Variants in WDR44 observed in about 807,000 individuals in gnomAD.
WDR44 encodes the protein WD repeat-containing protein 44.
In WDR44, 9 loss-of-function variants were observed where a neutral mutation model predicts 65.7. The ratio of observed to expected loss-of-function variants is 0.14; its 90% CI spans 0.08 to 0.24. The LOEUF is 0.24. WDR44 is among the 10% of genes least tolerant of loss of function. The pLI, the probability that WDR44 is intolerant of heterozygous loss-of-function variation, is 1.00. For missense variants in WDR44, 425 were observed against 670.9 expected (o/e 0.63, Z 4.05); for synonymous variants, 220 against 235.2 (o/e 0.94, Z 0.59).
intron 1 of WDR44, among the ~76,000 whole-genome samples, chrX:118,362,279 A>G (rs2056518547): frequency 8.9e-6 from 1 of 112,311 alleles, no homozygotes; most frequent in African/African-American, 3.2e-5. Flanking sequence ...TTGTATATGT[A>G]ATAACTGAAT....
chrX:118,416,693 T>C (rs952765671), intron 12 of WDR44, among the ~76,000 whole-genome samples: 3 of 112,072 alleles, frequency 2.7e-5, no homozygotes, highest in Non-Finnish European at 3.8e-5. Flanking sequence ...TATATATATC[T>C]GTTAAGTCCA....
intron 1 of WDR44, among the ~76,000 whole-genome samples, chrX:118,353,344 A>T (rs1177890655): frequency 1.8e-5 from 2 of 111,648 alleles, no homozygotes; most frequent in African/African-American, 6.5e-5. Context: ...CAGTCAGTAT[A>T]CAAATTTATC....
At chrX:118,398,493 T>G (rs1313843694) in intron 8 of WDR44, 23 bp downstream of exon 8, 2 of 1,125,709 alleles carry the variant, frequency 1.8e-6, no homozygotes, top group Non-Finnish European at 2.4e-6. Flanking sequence ...ACATCCCTTT[T>G]CTTCATTTCA....
intron 1 of WDR44, among the ~76,000 whole-genome samples, chrX:118,373,605 T>C (rs1403604334): frequency 1.8e-5 from 2 of 111,729 alleles, no homozygotes; most frequent in East Asian, 5.6e-4. Flanking sequence ...TGCCTTTACT[T>C]TGGTGCTCAT....
chrX:118,428,661 A>G (rs1156484148), intron 12 of WDR44, among the ~76,000 whole-genome samples: 1 of 111,947 alleles, frequency 8.9e-6, no homozygotes. Context: ...TCAAAGACCT[A>G]GAACCAGAAA....
intron 19 of WDR44, among the ~76,000 whole-genome samples, chrX:118,447,527 C>T (rs2057355818): frequency 9.0e-6 from 1 of 111,013 alleles, no homozygotes; most frequent in Non-Finnish European, 1.9e-5. Flanking sequence ...ATTCAAGCCT[C>T]AATTTTCCTT....
intron 1 of WDR44, among the ~76,000 whole-genome samples, chrX:118,355,985 C>T (rs1285215723): frequency 8.9e-6 from 1 of 111,816 alleles, no homozygotes; most frequent in Non-Finnish European, 1.9e-5. Flanking sequence ...ATCCTGCATT[C>T]CTATCAGTTC....
intron 14 of WDR44, among the ~76,000 whole-genome samples, chrX:118,440,251 C>T (rs766409891): frequency 3.6e-5 from 4 of 110,403 alleles, no homozygotes; most frequent in Non-Finnish European, 7.6e-5. Flanking sequence ...CTTTGTTACA[C>T]GGGGGAGAGT....
At chrX:118,354,419 TAA>T (rs59731854) in intron 1 of WDR44, among the ~76,000 whole-genome samples, 33 of 96,325 alleles carry the variant, frequency 3.4e-4, no homozygotes, top group African/African-American at 1.1e-3. Context: ...CTCTGTCTCT[TAA>T]AAAAAAAAAA....
chrX:118,439,165 C>A (rs2057281733), intron 14 of WDR44, among the ~76,000 whole-genome samples: 1 of 110,067 alleles, frequency 9.1e-6, no homozygotes, highest in African/African-American at 3.3e-5. Flanking sequence ...ATCGTACTGA[C>A]CTGGAGTGTT....
chrX:118,351,291 G>C (rs768136554), intron 1 of WDR44, among the ~76,000 whole-genome samples: 5 of 112,037 alleles, frequency 4.5e-5, no homozygotes, highest in Non-Finnish European at 7.5e-5. Flanking sequence ...TAAGTCATGG[G>C]AACTGAGACC....
chrX:118,387,465 A>G lies in WDR44; in HGVS notation c.186+51A>G, dbSNP rs762279728. On this transcript the variant is annotated intron_variant, in intron 3 of 19. Coordinates refer to ENST00000254029, the MANE Select transcript of WDR44 (RefSeq NM_019045.5). ...AGTTTATAGCAGACATCATATTTAT[A>G]TGGTATATTTCAAACAGCTTTTATA... 6.4e-6 allele frequency: 6 copies of G among 943,559 alleles called. No individual in the cohort carries two copies. The East Asian group carries it at 1.6e-4, about 26-fold the overall frequency. The allele number at this position is 943,559 out of a possible 1,213,427, so 77.8% of individuals were successfully genotyped here. A position where few individuals can be genotyped will look rare whatever the true frequency, so the allele number is the denominator to read the frequency against.
chrX:118,400,395 G>A (rs180709689), intron 8 of WDR44, among the ~76,000 whole-genome samples: 6 of 111,423 alleles, frequency 5.4e-5, no homozygotes, highest in Admixed American at 4.8e-4. Flanking sequence ...TGAAATTTAG[G>A]GAACATTAAG....
chrX:118,417,434 A>C (rs1199008381), intron 12 of WDR44, among the ~76,000 whole-genome samples: 2 of 111,670 alleles, frequency 1.8e-5, no homozygotes, highest in African/African-American at 6.5e-5. Context: ...TCTTTCCTTC[A>C]TATATGATAC....
chrX:118,419,223 A>C (rs1356424140), intron 12 of WDR44, among the ~76,000 whole-genome samples: 2 of 111,277 alleles, frequency 1.8e-5, no homozygotes, highest in African/African-American at 6.5e-5. Context: ...AAATTGTTAC[A>C]AAGTTCAGCT....
At chrX:118,409,391 A>T (rs748227897) in intron 10 of WDR44, 98 bp from the exon 11 acceptor site, 1 of 947,414 alleles carries the variant, frequency 1.1e-6, no homozygotes, top group African/African-American at 2.0e-5. Context: ...CAGCCTCCCA[A>T]AGTGCTGAGA....
At chrX:118,414,755 T>TC (rs2057042152) in intron 12 of WDR44, among the ~76,000 whole-genome samples, 1 of 112,108 alleles carries the variant, frequency 8.9e-6, no homozygotes, top group Admixed American at 9.5e-5. Flanking sequence ...GCTGAATTCT[T>TC]TTATCAGTTC....
chrX:118,360,859 A>T (rs1408479986), intron 1 of WDR44, among the ~76,000 whole-genome samples: 1 of 111,887 alleles, frequency 8.9e-6, no homozygotes. Flanking sequence ...TGTAAGAAAA[A>T]TGTTTCCCAA....
intron 8 of WDR44, among the ~76,000 whole-genome samples, chrX:118,402,180 A>G (rs1037740635): frequency 9.1e-6 from 1 of 109,536 alleles, no homozygotes; most frequent in East Asian, 2.9e-4. Flanking sequence ...CATGCCTGTA[A>G]TCCAGCACTT....
Sources: allele counts gnomAD v4.1 joint callset (sites outside exome capture counted in the v4.1 genomes callset), GRCh38; gene constraint gnomAD v4.1.1; transcripts MANE v1.5; gene names NCBI Gene and HGNC (gene_info 2026-07-23, HGNC 2026-07-21).